The following DEPDC1B variants were observed in gnomAD, a reference collection of about 807,000 sequenced individuals.
DEPDC1B encodes DEP domain-containing protein 1B.
DEPDC1B carries 51 observed loss-of-function variants against 66.5 expected under a neutral mutation model. The observed-to-expected ratio is 0.77, with a 90% CI of 0.61 to 0.97. The LOEUF is 0.97. DEPDC1B is among the 50% of genes least tolerant of loss of function. The pLI, the probability that DEPDC1B is intolerant of heterozygous loss-of-function variation, is 0.00. For missense variants in DEPDC1B, 552 were observed against 637.1 expected, an observed-to-expected ratio of 0.87 and a Z score of 1.44; for synonymous variants, 226 against 223.6, an observed-to-expected ratio of 1.01 and a Z score of -0.10.
At chr5:60,669,358 A>C (rs1753976888) in intron 2 of DEPDC1B, among the ~76,000 whole-genome samples, 1 of 152,198 alleles carries the variant, frequency 6.6e-6, no homozygotes. Flanking sequence ...AGCTTTGGCC[A>C]GCCTGCCTCC....
intron 2 of DEPDC1B, among the ~76,000 whole-genome samples, chr5:60,675,061 T>A (rs1754124087): frequency 6.6e-6 from 1 of 152,052 alleles, no homozygotes; most frequent in Admixed American, 6.6e-5. Flanking sequence ...TTTGCATGCC[T>A]CATTCAAGAT....
At chr5:60,640,603 C>G (rs1199581068) in intron 6 of DEPDC1B, among the ~76,000 whole-genome samples, 2 of 152,110 alleles carry the variant, frequency 1.3e-5, no homozygotes, top group African/African-American at 2.4e-5. Context: ...AAGAAAAACA[C>G]AGTTAACTTG....
chr5:60,630,469 G>A (rs1752899092), intron 7 of DEPDC1B: 1 of 152,196 alleles, frequency 6.6e-6, no homozygotes. Context: ...GCTTCCTCTT[G>A]GGATGCCTTG....
intron 7 of DEPDC1B, 118 bp from the exon 8 acceptor site, chr5:60,605,974 A>C: frequency 1.2e-6 from 1 of 866,798 alleles, no homozygotes; most frequent in Non-Finnish European, 1.7e-6. Context: ...TCACATATTC[A>C]ACTATACTGG....
At chr5:60,674,885 G>C (rs1202458274) in intron 2 of DEPDC1B, among the ~76,000 whole-genome samples, 1 of 152,146 alleles carries the variant, frequency 6.6e-6, no homozygotes, top group African/African-American at 2.4e-5. Flanking sequence ...GGAGGAAAAG[G>C]AGGCCACCCA....
chr5:60,694,351 A>G (rs1382150336), intron 1 of DEPDC1B, among the ~76,000 whole-genome samples: 2 of 152,320 alleles, frequency 1.3e-5, no homozygotes, highest in African/African-American at 4.8e-5. Context: ...CCATTTTCTA[A>G]CAAATGGTCA....
chr5:60,640,293 T>C (rs2111858576), intron 6 of DEPDC1B, among the ~76,000 whole-genome samples: 1 of 152,264 alleles, frequency 6.6e-6, no homozygotes, highest in Admixed American at 6.5e-5. Context: ...TTGCCTAGAA[T>C]TACTCCCTGT....
At chr5:60,666,376 G>A (rs929653821) in intron 2 of DEPDC1B, among the ~76,000 whole-genome samples, 4 of 152,130 alleles carry the variant, frequency 2.6e-5, no homozygotes, top group Admixed American at 2.6e-4. Context: ...AAGAATCCCA[G>A]GTCAGAGAAC....
At chr5:60,673,341 A>G (rs891748409) in intron 2 of DEPDC1B, among the ~76,000 whole-genome samples, 4 of 152,216 alleles carry the variant, frequency 2.6e-5, no homozygotes, top group African/African-American at 9.6e-5. Context: ...GCATGCATCA[A>G]AAGTGTTTAG....
At chr5:60,640,062 C>T (rs116077110) in intron 6 of DEPDC1B, among the ~76,000 whole-genome samples, 2,975 of 152,230 alleles carry the variant, frequency 0.02, 93 homozygotes, top group African/African-American at 0.067. Context: ...ATGGCCTTTT[C>T]GGCCTCCTTA....
At chr5:60,603,883 A>G (rs1240231147) in intron 8 of DEPDC1B, among the ~76,000 whole-genome samples, 3 of 151,376 alleles carry the variant, frequency 2.0e-5, no homozygotes, top group African/African-American at 7.3e-5. Context: ...ATGAAAACAA[A>G]TTTTGAAAAT....
intron 2 of DEPDC1B, among the ~76,000 whole-genome samples, chr5:60,660,423 G>A (rs1436816258): frequency 1.3e-5 from 2 of 152,034 alleles, no homozygotes; most frequent in Admixed American, 6.6e-5. Flanking sequence ...AATAACTGAA[G>A]GTCTTCTCCG....
chr5:60,597,933 C>A lies in DEPDC1B; in HGVS notation c.1429-19G>T. ...TCTGAAACTAAAAAAATGAATGGTC[C>A]AAGAAGAGTAAAAAAAGACACATAA... On this transcript the variant is annotated intron_variant, in intron 10 of 10. Transcript: ENST00000265036. 2 of 1,549,914 alleles carry A rather than the reference C, an allele frequency of 1.3e-6. No individual in the cohort carries two copies.
At chr5:60,608,232 C>T (rs1752349501) in intron 7 of DEPDC1B, among the ~76,000 whole-genome samples, 1 of 152,062 alleles carries the variant, frequency 6.6e-6, no homozygotes, top group Non-Finnish European at 1.5e-5. Flanking sequence ...TCTCATTGTC[C>T]CACAAATCCC....
rs1169778358 is a variant in DEPDC1B, at chr5:60,621,693, A to T, written c.899-15837T>A. Among the ~76,000 whole-genome samples, 3 of 152,250 alleles carry T rather than the reference A, an allele frequency of 2.0e-5. No individual in the cohort carries two copies. The East Asian group carries it at 5.8e-4, about 29-fold the overall frequency. On this transcript the variant is annotated intron_variant, in intron 7 of 10. Transcript: ENST00000265036. ...GAACTTAAAGTATACCCTAGAACTT[A>T]AAGTATTAAAAGAAAAAAAGAAAGA... is the stretch of plus-strand genomic sequence containing the variant.
intron 2 of DEPDC1B, among the ~76,000 whole-genome samples, chr5:60,659,776 C>A (rs914742561): frequency 6.6e-6 from 1 of 152,184 alleles, no homozygotes; most frequent in African/African-American, 2.4e-5. Flanking sequence ...CTTCTAGGTA[C>A]TAATGGTTCA....
intron 7 of DEPDC1B, among the ~76,000 whole-genome samples, chr5:60,618,472 C>G (rs1752619410): frequency 1.3e-5 from 2 of 152,286 alleles, no homozygotes; most frequent in South Asian, 4.2e-4. Flanking sequence ...ACCTATCCCA[C>G]AGAAATACAA....
chr5:60,664,058 C>G (rs930585798), intron 2 of DEPDC1B, among the ~76,000 whole-genome samples: 3 of 152,300 alleles, frequency 2.0e-5, no homozygotes, highest in African/African-American at 7.2e-5. Flanking sequence ...ACTCAGAAAG[C>G]CAATACCCAT....
chr5:60,671,722 C>G (rs1754038793), intron 2 of DEPDC1B, among the ~76,000 whole-genome samples: 1 of 152,352 alleles, frequency 6.6e-6, no homozygotes, highest in Non-Finnish European at 1.5e-5. Flanking sequence ...ATCTCTTGCA[C>G]ATCTAGTTCC....
Sources: allele counts gnomAD v4.1 joint callset (sites outside exome capture counted in the v4.1 genomes callset), GRCh38; gene constraint gnomAD v4.1.1; transcripts MANE v1.5; gene names NCBI Gene and HGNC (gene_info 2026-07-23, HGNC 2026-07-21).